The following CDH4 variants were observed in gnomAD, a reference collection of about 807,000 sequenced individuals.
The protein encoded by CDH4 is cadherin 4.
In CDH4, 33 loss-of-function variants were observed where a neutral mutation model predicts 86.0. The ratio of observed to expected loss-of-function variants is 0.38; its 90% CI spans 0.29 to 0.51. The LOEUF (loss-of-function observed/expected upper bound fraction) is 0.51, where lower values mean the gene tolerates loss of function less well. Ranked by LOEUF, CDH4 falls within the 20% of genes least tolerant of loss-of-function variation. CDH4 has a pLI of 0.86. For synonymous variants in CDH4, 555 were observed against 549.4 expected, an observed-to-expected ratio of 1.01 and a Z score of -0.14; for missense variants, 1,114 against 1,307.4, an observed-to-expected ratio of 0.85 and a Z score of 2.28.
chr20:61,299,163 TAAGAA>T (rs1027699888), intron 2 of CDH4, among the ~76,000 whole-genome samples: 1 of 152,150 alleles, frequency 6.6e-6, no homozygotes, highest in Non-Finnish European at 1.5e-5. Flanking sequence ...CGTGCTCTTA[TAAGAA>T]AAGAAGAGGA....
chr20:61,864,954 C>G (rs562116340), intron 6 of CDH4, among the ~76,000 whole-genome samples: 130 of 152,306 alleles, frequency 8.5e-4, no homozygotes, highest in African/African-American at 2.9e-3. Context: ...GTCTGCTGTG[C>G]AGCAGAGCCT....
intron 2 of CDH4, among the ~76,000 whole-genome samples, chr20:61,383,127 A>T (rs1301109428): frequency 1.1e-5 from 1 of 90,752 alleles, no homozygotes; most frequent in Non-Finnish European, 2.2e-5. Context: ...ATATATATGA[A>T]TATATTATAT....
chr20:61,344,985 T>C (rs1055413096), intron 2 of CDH4, among the ~76,000 whole-genome samples: 1 of 152,234 alleles, frequency 6.6e-6, no homozygotes, highest in African/African-American at 2.4e-5. Context: ...TGTGCTGTGT[T>C]CTGAGTGAGA....
chr20:61,254,972 C>A, intron 2 of CDH4, 35 bp downstream of exon 2: 1 of 1,202,524 alleles, frequency 8.3e-7, no homozygotes, highest in Non-Finnish European at 1.2e-6. Context: ...GAGTGAATTG[C>A]TGCCATGCTT....
intron 2 of CDH4, among the ~76,000 whole-genome samples, chr20:61,312,076 T>C (rs1056376759): frequency 5.9e-5 from 9 of 152,140 alleles, no homozygotes; most frequent in Admixed American, 1.3e-4. Flanking sequence ...TGCACATGTG[T>C]GGTGTGTATA....
chr20:61,312,378 G>A (rs1204600019), intron 2 of CDH4, among the ~76,000 whole-genome samples: 2 of 151,518 alleles, frequency 1.3e-5, no homozygotes, highest in Non-Finnish European at 2.9e-5. Context: ...GCATATGTGT[G>A]GCATGATGTG....
chr20:61,683,348 C>T (rs1233366807), intron 2 of CDH4, among the ~76,000 whole-genome samples: 1 of 152,222 alleles, frequency 6.6e-6, no homozygotes, highest in Non-Finnish European at 1.5e-5. Context: ...ACTTCAGAGG[C>T]AGTTTCTGCT....
intron 7 of CDH4, among the ~76,000 whole-genome samples, chr20:61,889,815 G>C (rs910791543): frequency 6.6e-6 from 1 of 150,680 alleles, no homozygotes; most frequent in Non-Finnish European, 1.5e-5. Context: ...GATGATGGAT[G>C]GGTGGATGGA....
chr20:61,323,888 G>C (rs1040953985), intron 2 of CDH4, among the ~76,000 whole-genome samples: 2 of 152,212 alleles, frequency 1.3e-5, no homozygotes, highest in South Asian at 2.1e-4. Flanking sequence ...ATGATCCTAA[G>C]AGTGGAAGGA....
intron 2 of CDH4, among the ~76,000 whole-genome samples, chr20:61,581,747 C>T (rs2086430446): frequency 1.3e-5 from 2 of 152,210 alleles, no homozygotes; most frequent in Admixed American, 1.3e-4. Context: ...GCTGTCTGAG[C>T]TGTGTTCCTA....
At chr20:61,631,831 G>A (rs1360823637) in intron 2 of CDH4, among the ~76,000 whole-genome samples, 1 of 152,216 alleles carries the variant, frequency 6.6e-6, no homozygotes, top group Non-Finnish European at 1.5e-5. Context: ...GGGGTGGCAC[G>A]CGTCCTCCGG....
chr20:61,461,260 A>T (rs2085440491), intron 2 of CDH4, among the ~76,000 whole-genome samples: 1 of 152,200 alleles, frequency 6.6e-6, no homozygotes, highest in Non-Finnish European at 1.5e-5. Flanking sequence ...GACAGCAAGG[A>T]AGACAGCCTT....
At chr20:61,616,913 T>C (rs1335140141) in intron 2 of CDH4, among the ~76,000 whole-genome samples, 1 of 151,426 alleles carries the variant, frequency 6.6e-6, no homozygotes, top group Admixed American at 6.6e-5. Flanking sequence ...CCTGGGGCAG[T>C]GGGTCCATGG....
chr20:61,627,856 T>C (rs2086844405), intron 2 of CDH4, among the ~76,000 whole-genome samples: 1 of 151,974 alleles, frequency 6.6e-6, no homozygotes, highest in Admixed American at 6.6e-5. Context: ...CCCTTCGTCC[T>C]TTCTCCCTTT....
At chr20:61,546,513 A>C (rs924502877) in intron 2 of CDH4, among the ~76,000 whole-genome samples, 10 of 151,652 alleles carry the variant, frequency 6.6e-5, no homozygotes, top group African/African-American at 2.4e-4. Context: ...CGCCTCAAGC[A>C]CTTCCTTAAC....
At chr20:61,936,337 CACCTTCCCCCA>C (rs2055184453) in intron 15 of CDH4, among the ~76,000 whole-genome samples, 1 of 49,900 alleles carries the variant, frequency 2.0e-5, no homozygotes, top group Non-Finnish European at 3.7e-5. Context: ...CCCACACCTC[CACCTTCCCCCA>C]CACCCCTTCC....
intron 2 of CDH4, among the ~76,000 whole-genome samples, chr20:61,549,951 C>T (rs1051642376): frequency 6.6e-5 from 10 of 152,156 alleles, no homozygotes; most frequent in Non-Finnish European, 1.2e-4. Flanking sequence ...GGAGTCCTGG[C>T]CACTCCTTGG....
intron 2 of CDH4, among the ~76,000 whole-genome samples, chr20:61,313,371 C>T (rs1019608753): frequency 7.2e-5 from 11 of 152,112 alleles, no homozygotes; most frequent in East Asian, 5.8e-4. Flanking sequence ...GAGCACTCCC[C>T]GGGAAGCCTA....
At chr20:61,813,678 T>C (rs1385103150) in intron 4 of CDH4, among the ~76,000 whole-genome samples, 1 of 152,158 alleles carries the variant, frequency 6.6e-6, no homozygotes, top group Non-Finnish European at 1.5e-5. Flanking sequence ...AAGAACTGGG[T>C]GCCTGGGCCT....
Sources: gnomAD v4.1 joint callset for allele counts (sites outside exome capture counted in the v4.1 genomes callset) on GRCh38, gnomAD v4.1.1 for gene constraint, MANE v1.5 for transcripts, NCBI Gene and HGNC (gene_info 2026-07-23, HGNC 2026-07-21) for gene names.